Variants in SMUG1 observed in about 807,000 individuals in gnomAD.
SMUG1 encodes single-strand selective monofunctional uracil DNA glycosylase.
In SMUG1, 13 loss-of-function variants were observed where a neutral mutation model predicts 23.9. That is an observed-to-expected ratio of 0.54 (90% CI 0.35 to 0.86). The LOEUF (loss-of-function observed/expected upper bound fraction) is 0.86. Among genes scored for constraint, SMUG1 ranks in the 40% least tolerant of loss-of-function variants. SMUG1 has a pLI of 0.01. For missense variants in SMUG1, 313 were observed against 339.5 expected, an observed-to-expected ratio of 0.92 and a Z score of 0.61; for synonymous variants, 133 against 139.8, an observed-to-expected ratio of 0.95 and a Z score of 0.34.
intron 3 of SMUG1, 172 bp downstream of exon 3, chr12:54,183,484 C>T (rs936450704): frequency 1.5e-5 from 10 of 652,328 alleles, no homozygotes; most frequent in African/African-American, 5.5e-5. Flanking sequence ...CGGGCAGAGA[C>T]GCTGGGAGAG....
intron 3 of SMUG1, among the ~76,000 whole-genome samples, chr12:54,171,431 C>T (rs1456559701): frequency 1.3e-5 from 2 of 151,326 alleles, no homozygotes; most frequent in Non-Finnish European, 1.5e-5. Context: ...GTGGCTCACA[C>T]TTGTAATCCC....
At chr12:54,169,346 T>C (rs148062965) in intron 3 of SMUG1, among the ~76,000 whole-genome samples, 4 of 152,104 alleles carry the variant, frequency 2.6e-5, no homozygotes, top group African/African-American at 4.8e-5. Context: ...AGATGATGTG[T>C]CAGAGTTGGG....
chr12:54,183,861 A>G lies in SMUG1; in HGVS notation c.80T>C (p.Leu27Ser). ...LMEPQPCPGSLAESFLEEELR... is the reference protein window; with the variant it reads ...LMEPQPCPGSSAESFLEEELR... ...CTCCTCCTCCAGGAAGCTCTCAGCC[A>G]AGCTTCCAGGGCAGGGCTGGGGCTC... is the stretch of plus-strand genomic sequence containing the variant. The change falls in exon 3 of 4, where the codon TTG becomes TCG. Residue 27 changes from leucine to serine, a missense_variant. Transcript: ENST00000682136. 8 of 1,612,912 alleles carry G rather than the reference A, an allele frequency of 5.0e-6. No individual in the cohort carries two copies. The highest frequency in any genetic ancestry group is 6.8e-6 in the Non-Finnish European group (8 of 1,179,544).
intron 3 of SMUG1, among the ~76,000 whole-genome samples, chr12:54,168,051 T>A (rs1272911474): frequency 6.6e-6 from 1 of 152,208 alleles, no homozygotes; most frequent in Non-Finnish European, 1.5e-5. Flanking sequence ...ATCAGGGACA[T>A]GGAGATGTCA....
At chr12:54,176,507 T>TCCGCC (rs1555199081), downstream of SMUG1, among the ~76,000 whole-genome samples, 1 of 64,396 alleles carries the variant, frequency 1.6e-5, no homozygotes, top group African/African-American at 6.8e-5. Flanking sequence ...GAAGATCCTG[T>TCCGCC]CCCCCCCCAA....
At chr12:54,161,316 T>C (rs569812741), downstream of SMUG1, among the ~76,000 whole-genome samples, 4 of 152,092 alleles carry the variant, frequency 2.6e-5, no homozygotes, top group East Asian at 1.9e-4. The surrounding 1 kb of genome is among the most constrained non-coding windows in gnomAD (Gnocchi z 4.2). Context: ...GCAAACAAGA[T>C]GAAGTACAAA....
chr12:54,169,014 A>G (rs1439211964), intron 3 of SMUG1, among the ~76,000 whole-genome samples: 1 of 152,202 alleles, frequency 6.6e-6, no homozygotes, highest in African/African-American at 2.4e-5. Flanking sequence ...AGGCTAGCAC[A>G]ATGGCCCCCA....
intron 3 of SMUG1, chr12:54,183,080 T>C (rs1350422853): frequency 5.4e-6 from 1 of 184,408 alleles, no homozygotes; most frequent in African/African-American, 2.4e-5. Context: ...CATCACCCAG[T>C]TGGGGTCAAT....
chr12:54,175,638 G>A (rs1205491126), downstream of SMUG1, among the ~76,000 whole-genome samples: 1 of 152,170 alleles, frequency 6.6e-6, no homozygotes, highest in Admixed American at 6.5e-5. Context: ...CATTCAGTGT[G>A]CCCAGAGCGC....
At chr12:54,183,192 G>A (rs563397287) in intron 3 of SMUG1, 53 of 223,400 alleles carry the variant, frequency 2.4e-4, no homozygotes, top group African/African-American at 7.3e-4. Flanking sequence ...AAAGAAAAGC[G>A]GGCAGGCACT....
At chr12:54,179,485 C>T (rs1940835146), downstream of SMUG1, among the ~76,000 whole-genome samples, 1 of 152,104 alleles carries the variant, frequency 6.6e-6, no homozygotes, top group Admixed American at 6.6e-5. Flanking sequence ...TTCCACTGTA[C>T]CTAATCCAGT....
rs568207239 is a variant in SMUG1 at position 54,172,084 on chromosome 12, G to A, written c.425C>T (p.Thr142Ile). 68 of 455,616 alleles carry A rather than the reference G, an allele frequency of 1.5e-4. 2 individuals carry two copies. The highest frequency in any genetic ancestry group is 1.3e-3 in the East Asian group (19 of 14,370). 28.2% of individuals were successfully genotyped at this position (455,616 alleles called of 1,614,324 possible). A position where few individuals can be genotyped will look rare whatever the true frequency, so the allele number is the denominator to read the frequency against. The change falls in exon 3 of 5, where the codon ACA becomes ATA. Residue 142 changes from threonine to isoleucine, a missense_variant and NMD_transcript_variant. By Grantham distance (89) the Thr-to-Ile change is moderately conservative. Coordinates refer to the SMUG1 transcript ENST00000509864. ...GCTTCTGCCCTTGTTTTCTCAATCTGTTCTCAATACAGCAGCAAGAATTTT... is the reference window on the plus strand; with the variant it reads ...GCTTCTGCCCTTGTTTTCTCAATCTATTCTCAATACAGCAGCAAGAATTTT...
downstream of SMUG1, among the ~76,000 whole-genome samples, chr12:54,176,606 A>G (rs529837082): frequency 8.3e-4 from 123 of 147,996 alleles, no homozygotes; most frequent in African/African-American, 3.0e-3. Flanking sequence ...GGAGATTAAG[A>G]CCATCCTGGC....
chr12:54,183,267 C>T (rs1466027284), intron 3 of SMUG1: 1 of 355,262 alleles, frequency 2.8e-6, no homozygotes, highest in Non-Finnish European at 5.0e-6. Context: ...CCAGAACGCC[C>T]TGCATCTCTT....
chr12:54,164,670 G>A (rs946798979), downstream of SMUG1: 3 of 152,458 alleles, frequency 2.0e-5, no homozygotes, highest in South Asian at 4.1e-4. Context: ...TGTTCACCAG[G>A]GGGTGAGGAG....
intron 3 of SMUG1, among the ~76,000 whole-genome samples, chr12:54,170,986 A>ACTTT (rs781236617): frequency 6.8e-6 from 1 of 146,476 alleles, no homozygotes; most frequent in Non-Finnish European, 1.5e-5. Context: ...GATGCCCTTC[A>ACTTT]CTTTCTTTCT....
chr12:54,180,455 CTG>C lies in SMUG1; in HGVS notation c.*1639_*1640del, dbSNP rs1263060072. ...ACTAATTCTGGAAGCTGGAAATGAC[CTG>C]TGTCCCAGGAGATAGGAAGTAGACC... On this transcript the variant is annotated 3_prime_UTR_variant, in exon 4 of 4. Transcript: ENST00000682136. The C allele has an allele frequency of 2.0e-5, 3 of 152,158 alleles. No homozygotes were observed. Among genetic ancestry groups the C allele is most frequent in the Admixed American group, 1.3e-4 (2 of 15,282 alleles). The allele number at this position is 152,158 out of a possible 1,614,324, so 9.4% of individuals were successfully genotyped here.
intron 2 of SMUG1, among the ~76,000 whole-genome samples, chr12:54,174,014 G>A (rs994106178): frequency 5.9e-5 from 9 of 152,100 alleles, no homozygotes; most frequent in Non-Finnish European, 1.0e-4. Context: ...ATCACAGGAG[G>A]ACACAAATGC....
chr12:54,188,174 G>C (rs997912737), intron 1 of SMUG1, among the ~76,000 whole-genome samples: 1 of 151,540 alleles, frequency 6.6e-6, no homozygotes, highest in Non-Finnish European at 1.5e-5. Context: ...ATCAAATCCG[G>C]GAAGTGAGGA....
Sources: gnomAD v4.1 joint callset for allele counts (sites outside exome capture counted in the v4.1 genomes callset) on GRCh38, gnomAD v4.1.1 for gene constraint, Gnocchi (gnomAD v3.1) non-coding constraint, MANE v1.5 for transcripts, NCBI Gene and HGNC (gene_info 2026-07-23, HGNC 2026-07-21) for gene names.